PCDHA2: variants seen among roughly 807,000 people sequenced by gnomAD.
PCDHA2 encodes protocadherin alpha-2.
Under a neutral mutation model 66.0 loss-of-function variants are expected in PCDHA2, and 58 were observed. The ratio of observed to expected loss-of-function variants is 0.88; its 90% CI spans 0.71 to 1.09. The LOEUF is 1.09. PCDHA2 is among the 50% of genes least tolerant of loss of function. The pLI, the probability that PCDHA2 is intolerant of heterozygous loss-of-function variation, is 0.00. For missense variants in PCDHA2, 1,267 were observed against 1,242.3 expected (o/e 1.02, Z -0.30); for synonymous variants, 634 against 554.0 (o/e 1.14, Z -2.03).
At position 140,928,737 on chromosome 5, in the gene PCDHA2, A is replaced by G. The variant is rs140056024; in HGVS notation, c.2389-50212A>G. On this transcript the variant is annotated intron_variant, in intron 1 of 3. Coordinates refer to ENST00000526136, the MANE Select transcript of PCDHA2 (RefSeq NM_018905.3). ...GTCTCTTTAGAATTTCAGCCAATAT[A>G]GGTGAGCTCCGTACTGCTCGCTTAG... is the stretch of plus-strand genomic sequence containing the variant. 5.6e-6 allele frequency: 9 copies of G among 1,614,000 alleles called. No homozygotes were observed. In the African/African-American group the frequency reaches 8.0e-5, roughly 14 times the overall value.
At chr5:140,813,486 C>A (rs2126646762) in intron 1 of PCDHA2, 1 of 152,128 alleles carries the variant, frequency 6.6e-6, no homozygotes, top group Non-Finnish European at 1.5e-5. Context: ...TATATCTAAA[C>A]ATCTAAAAGG....
intron 1 of PCDHA2, among the ~76,000 whole-genome samples, chr5:140,962,347 C>A (rs191780691): frequency 1.7e-4 from 26 of 152,244 alleles, no homozygotes; most frequent in African/African-American, 5.3e-4. Flanking sequence ...AAGTAAAACT[C>A]CCCCCAATAC....
intron 1 of PCDHA2, chr5:140,882,064 C>G (rs1277765660): frequency 1.1e-5 from 9 of 831,034 alleles, no homozygotes; most frequent in Non-Finnish European, 1.6e-5. Context: ...CTTACACGTT[C>G]ATGCGCATGG....
Position 140,850,095 on chromosome 5 carries a change from C to G in PCDHA2, c.2388+52743C>G, listed in dbSNP as rs139719626. The G allele has an allele frequency of 2.5e-3, 3,966 of 1,596,304 alleles. 379 individuals carry two copies. Among genetic ancestry groups the G allele is most frequent in the Non-Finnish European group, 3.1e-3 (3,638 of 1,167,768 alleles). On this transcript the variant is annotated intron_variant, in intron 1 of 3. Transcript: ENST00000526136. Reference sequence around the variant, plus strand: ...CGAGGAGCTGGAGCTGCTACAGTTCCAGGTGAGCGCGCGCGACGCGGGCGT... The same window carrying G: ...CGAGGAGCTGGAGCTGCTACAGTTCGAGGTGAGCGCGCGCGACGCGGGCGT...
intron 1 of PCDHA2, chr5:140,830,278 G>T (rs2150184095): frequency 1.9e-6 from 3 of 1,613,832 alleles, no homozygotes; most frequent in East Asian, 4.5e-5. Flanking sequence ...CACCCACCGA[G>T]GGCGCGTGCA....
At chr5:140,998,721 C>T (rs987484967) in intron 3 of PCDHA2, among the ~76,000 whole-genome samples, 3 of 152,084 alleles carry the variant, frequency 2.0e-5, no homozygotes, top group Non-Finnish European at 2.9e-5. Context: ...TGCACCACCA[C>T]GCTAGGCTAA....
intron 1 of PCDHA2, chr5:140,883,493 C>T (rs1554178441): frequency 6.2e-7 from 1 of 1,614,174 alleles, no homozygotes; most frequent in Non-Finnish European, 8.5e-7. Flanking sequence ...CTCATTAGTG[C>T]TGGACAGCGC....
chr5:140,998,708 G>A (rs2153953637), intron 3 of PCDHA2, among the ~76,000 whole-genome samples: 1 of 152,142 alleles, frequency 6.6e-6, no homozygotes, highest in South Asian at 2.1e-4. Context: ...GGGATTACAA[G>A]CTTGCACCAC....
chr5:140,924,909 AAT>A (rs1563069038), intron 1 of PCDHA2, among the ~76,000 whole-genome samples: 1,502 of 66,200 alleles, frequency 0.023, 33 homozygotes, highest in African/African-American at 0.07. Context: ...AAAAAAATAA[AAT>A]AAAATAAAAT....
At chr5:140,837,677 T>C (rs2150278472) in intron 1 of PCDHA2, among the ~76,000 whole-genome samples, 1 of 151,824 alleles carries the variant, frequency 6.6e-6, no homozygotes, top group South Asian at 2.1e-4. Flanking sequence ...CTTTTTCTTT[T>C]TTCTTTCTTC....
chr5:140,924,944 TA>T (rs11334471), intron 1 of PCDHA2, among the ~76,000 whole-genome samples: 51,245 of 142,818 alleles, frequency 0.36, 9,188 homozygotes, highest in East Asian at 0.56. Flanking sequence ...AATAAAAAGT[TA>T]AAAAAAAAAT....
chr5:140,810,561 A>G (rs1764683716), intron 1 of PCDHA2: 1 of 152,194 alleles, frequency 6.6e-6, no homozygotes, highest in Non-Finnish European at 1.5e-5. Context: ...ATTATTTTAT[A>G]TTTAAATGAA....
chr5:140,861,926 G>A (rs994509144), intron 1 of PCDHA2: 10 of 153,960 alleles, frequency 6.5e-5, no homozygotes, highest in African/African-American at 2.2e-4. Context: ...GGATGTAAAT[G>A]ATGATGCCCA....
Position 140,841,763 on chromosome 5 carries a change from C to T in PCDHA2, c.2388+44411C>T. The T allele has an allele frequency of 1.9e-6, 3 of 1,613,884 alleles. No individual in the cohort carries two copies. The highest frequency in any genetic ancestry group is 1.3e-5 in the African/African-American group (1 of 74,976). ...GCTGTTTGTTTCAGAATCCAGAATG[C>T]CAGACTCTCGGTTTCCGCTAGAGGG... On this transcript the variant is annotated intron_variant, in intron 1 of 3. Transcript: ENST00000526136.
At chr5:140,881,025 C>A (rs1554171683) in intron 1 of PCDHA2, among the ~76,000 whole-genome samples, 1 of 152,216 alleles carries the variant, frequency 6.6e-6, no homozygotes, top group Admixed American at 6.5e-5. Context: ...ATAAACCCAA[C>A]AGTCATTTCC....
At chr5:140,923,217 ATCGTTTGAG>A (rs2081234922) in intron 1 of PCDHA2, among the ~76,000 whole-genome samples, 1 of 135,418 alleles carries the variant, frequency 7.4e-6, no homozygotes, top group Admixed American at 7.5e-5. Flanking sequence ...AGGTGAAAGG[ATCGTTTGAG>A]CCCAGAAGTT....
intron 1 of PCDHA2, chr5:140,822,843 G>A: frequency 1.2e-6 from 2 of 1,614,190 alleles, no homozygotes; most frequent in South Asian, 2.2e-5. Context: ...CCCTTTTCCT[G>A]CCTGTCAAAG....
At chr5:140,843,923 C>T (rs1779144561) in intron 1 of PCDHA2, 1 of 599,994 alleles carries the variant, frequency 1.7e-6, no homozygotes, top group Non-Finnish European at 2.9e-6. Context: ...TATCTTGAAA[C>T]TCAAGTTATG....
chr5:140,862,537 C>G (rs56017024), intron 1 of PCDHA2: 1 of 440,558 alleles, frequency 2.3e-6, no homozygotes, highest in Non-Finnish European at 4.6e-6. Context: ...CCATCGGGTC[C>G]GTGGAAGTGG....
Sources: gnomAD v4.1 joint callset for allele counts (sites outside exome capture counted in the v4.1 genomes callset) on GRCh38, gnomAD v4.1.1 for gene constraint, MANE v1.5 for transcripts, NCBI Gene and HGNC (gene_info 2026-07-23, HGNC 2026-07-21) for gene names.